ROBO1: variants seen among roughly 807,000 people sequenced by gnomAD.
The protein encoded by ROBO1 is roundabout guidance receptor 1, also known as roundabout homolog 1.
Under a neutral mutation model 195.9 loss-of-function variants are expected in ROBO1, and 149 were observed. The observed-to-expected ratio is 0.76, with a 90% CI of 0.67 to 0.87. The LOEUF is 0.87. Among genes scored for constraint, ROBO1 ranks in the 40% least tolerant of loss-of-function variants. The probability of loss-of-function intolerance (pLI) is 0.00; values close to 1 mark genes in which losing one functional copy is unlikely to be tolerated. For synonymous variants in ROBO1, 816 were observed against 733.2 expected (o/e 1.11, Z -1.82); for missense variants, 1,933 against 2,068.3 (o/e 0.93, Z 1.27).
At chr3:78,696,631 C>T (rs1200979118) in intron 8 of ROBO1, among the ~76,000 whole-genome samples, 1 of 137,436 alleles carries the variant, frequency 7.3e-6, no homozygotes, top group East Asian at 2.0e-4. Context: ...ATCATTACTA[C>T]ATGCATATAT....
chr3:78,824,177 G>T (rs2031343165), intron 4 of ROBO1, among the ~76,000 whole-genome samples: 1 of 152,132 alleles, frequency 6.6e-6, no homozygotes, highest in African/African-American at 2.4e-5. Context: ...AGCACGACAT[G>T]TGAGTTTCCA....
At chr3:78,721,226 C>A (rs1446238608) in intron 5 of ROBO1, among the ~76,000 whole-genome samples, 1 of 152,068 alleles carries the variant, frequency 6.6e-6, no homozygotes, top group Non-Finnish European at 1.5e-5. Flanking sequence ...TTCTTGAGGT[C>A]CAGAACAATT....
intron 5 of ROBO1, among the ~76,000 whole-genome samples, chr3:78,737,934 T>C (rs567073946): frequency 6.6e-6 from 1 of 152,324 alleles, no homozygotes; most frequent in Non-Finnish European, 1.5e-5. Context: ...TATGTATTTA[T>C]TTTGCAGAAA....
chr3:79,605,992 GTATATATA>G (rs141950454), intron 1 of ROBO1, among the ~76,000 whole-genome samples: 8 of 145,178 alleles, frequency 5.5e-5, no homozygotes, highest in Non-Finnish European at 9.1e-5. Flanking sequence ...ATGTGTGTGT[GTATATATA>G]TATATATATA....
intron 23 of ROBO1, chr3:78,634,601 G>T (rs1020005412): frequency 1.2e-5 from 3 of 241,534 alleles, no homozygotes; most frequent in African/African-American, 6.9e-5. Context: ...GGCTCTCAGG[G>T]CTTTCCGAAG....
chr3:78,811,927 A>G (rs1287304510), intron 4 of ROBO1, among the ~76,000 whole-genome samples: 2 of 152,136 alleles, frequency 1.3e-5, no homozygotes, highest in African/African-American at 4.8e-5. Context: ...AACTTCTGCT[A>G]GAGCATAATA....
At chr3:79,730,303 A>G (rs937984782) in intron 1 of ROBO1, among the ~76,000 whole-genome samples, 1 of 152,208 alleles carries the variant, frequency 6.6e-6, no homozygotes, top group African/African-American at 2.4e-5. Flanking sequence ...TTTAAATATT[A>G]AGAGTGATAA....
chr3:78,673,999 C>G (rs979200630), intron 10 of ROBO1, among the ~76,000 whole-genome samples: 2 of 151,964 alleles, frequency 1.3e-5, no homozygotes, highest in Non-Finnish European at 2.9e-5. Context: ...GTGACTTGTC[C>G]AAATCAAGTA....
intron 10 of ROBO1, among the ~76,000 whole-genome samples, chr3:78,680,198 C>CTTAAATG (rs984288996): frequency 6.6e-6 from 1 of 152,182 alleles, no homozygotes; most frequent in African/African-American, 2.4e-5. Flanking sequence ...GGATTAAAGA[C>CTTAAATG]TTAAATGTTA....
intron 3 of ROBO1, among the ~76,000 whole-genome samples, chr3:79,067,892 C>T (rs2079029136): frequency 1.3e-5 from 2 of 151,882 alleles, no homozygotes; most frequent in Admixed American, 1.3e-4. Context: ...TAATTCCCTT[C>T]TAACTTCACT....
At chr3:79,560,247 A>G (rs1458952578) in intron 2 of ROBO1, among the ~76,000 whole-genome samples, 3 of 151,392 alleles carry the variant, frequency 2.0e-5, no homozygotes, top group Non-Finnish European at 4.4e-5. Flanking sequence ...CATGGATGAA[A>G]TTGGAAATCA....
At chr3:78,776,680 TTAATGTAC>T (rs1414137814) in intron 4 of ROBO1, among the ~76,000 whole-genome samples, 1 of 152,202 alleles carries the variant, frequency 6.6e-6, no homozygotes, top group Non-Finnish European at 1.5e-5. Context: ...CCTATGCAAA[TTAATGTAC>T]GTTAGAATGT....
At chr3:79,091,996 C>T (rs888091887) in intron 3 of ROBO1, among the ~76,000 whole-genome samples, 1 of 152,100 alleles carries the variant, frequency 6.6e-6, no homozygotes, top group Admixed American at 6.5e-5. Flanking sequence ...GATGAAAGGG[C>T]TCAGCTTGTT....
chr3:79,459,391 T>C (rs2039725667), intron 2 of ROBO1, among the ~76,000 whole-genome samples: 2 of 152,148 alleles, frequency 1.3e-5, no homozygotes, highest in South Asian at 4.1e-4. Context: ...TGAATGTTCA[T>C]TTGTATTTGC....
At chr3:78,824,509 T>G (rs1450431725) in intron 4 of ROBO1, among the ~76,000 whole-genome samples, 1 of 152,214 alleles carries the variant, frequency 6.6e-6, no homozygotes, top group South Asian at 2.1e-4. Context: ...ATGGCAAATA[T>G]TGGCTCAAGA....
At chr3:79,050,050 A>T (rs1260534894) in intron 3 of ROBO1, among the ~76,000 whole-genome samples, 4 of 152,248 alleles carry the variant, frequency 2.6e-5, no homozygotes, top group Non-Finnish European at 4.4e-5. Context: ...AACAATATTA[A>T]CCTTAAATGT....
intron 2 of ROBO1, among the ~76,000 whole-genome samples, chr3:79,588,182 A>G (rs1943888723): frequency 6.6e-6 from 1 of 151,814 alleles, no homozygotes; most frequent in Admixed American, 6.6e-5. Context: ...AAGTATTTGC[A>G]TGTAAAATAG....
At chr3:79,618,004 G>A (rs968714130) in intron 1 of ROBO1, among the ~76,000 whole-genome samples, 3 of 151,110 alleles carry the variant, frequency 2.0e-5, no homozygotes, top group South Asian at 2.1e-4. Flanking sequence ...AACTAGGTTA[G>A]ATCAAACAGA....
chr3:78,894,413 AT>A (rs1214724827), intron 4 of ROBO1, among the ~76,000 whole-genome samples: 2 of 152,302 alleles, frequency 1.3e-5, no homozygotes, highest in African/African-American at 2.4e-5. Flanking sequence ...TTTTTAGCAA[AT>A]TATAAAATGT....
Sources: gnomAD v4.1 joint callset for allele counts (sites outside exome capture counted in the v4.1 genomes callset) on GRCh38, gnomAD v4.1.1 for gene constraint, MANE v1.5 for transcripts, NCBI Gene and HGNC (gene_info 2026-07-23, HGNC 2026-07-21) for gene names.